The following IL17D variants were observed in gnomAD, a reference collection of about 807,000 sequenced individuals.
The protein encoded by IL17D is interleukin 17D.
In IL17D, 10 loss-of-function variants were observed where a neutral mutation model predicts 5.7. The ratio of observed to expected loss-of-function variants is 1.75; its 90% confidence interval spans 1.08 to 2.97. The LOEUF is 2.97. Ranked by LOEUF, IL17D falls within the 30% of genes most tolerant of loss-of-function variation. IL17D has a pLI of 0.00. For synonymous variants in IL17D, 172 were observed against 141.7 expected, an observed-to-expected ratio of 1.21 and a Z score of -1.52; for missense variants, 354 against 292.7, an observed-to-expected ratio of 1.21 and a Z score of -1.53.
At position 20,716,117 on chromosome 13, in the gene IL17D, C is replaced by G; in HGVS notation, c.291-5519C>G. ...CACATTTTGGAAATCTTGTTTATGC[C>G]GCCTTCTTATCTCTTGCAAAGGTTA... On this transcript the variant is annotated intron_variant, in intron 1 of 1. Transcript: ENST00000682841. This position sits in a 1 kb window ranked among gnomAD's most constrained non-coding sequence, Gnocchi z 4.2. 4.1e-6 allele frequency: 4 copies of G among 984,946 alleles called. No individual in the cohort carries two copies. The highest frequency in any genetic ancestry group is 4.8e-6 in the Non-Finnish European group (4 of 829,520). 61.0% of individuals were successfully genotyped at this position (984,946 alleles called of 1,614,324 possible).
chr13:20,720,874 A>ACCCCCCCCCCCCCCCC (rs67735251), intron 1 of IL17D, among the ~76,000 whole-genome samples: 47 of 75,750 alleles, frequency 6.2e-4, no homozygotes, highest in East Asian at 1.6e-3. Flanking sequence ...CTCCCTCCCA[A>ACCCCCCCCCCCCCCCC]CCCCCCCCCC....
chr13:20,702,729 T>C (rs879857515), upstream of IL17D: 7 of 152,186 alleles, frequency 4.6e-5, no homozygotes, highest in Non-Finnish European at 1.0e-4. Flanking sequence ...GAGATGCCCA[T>C]GAACAGCCAT....
Position 20,721,714 on chromosome 13 carries a change from G to C in IL17D, c.369G>C (p.Leu123=). The part of the protein sequence containing the change: ...YCLCRGCLTG[L]FGEEDVRFRS... ...TGTGCCGGGGCTGCCTGACCGGGCT[G>C]TTCGGCGAGGAGGACGTGCGCTTCC... Residue 123 remains leucine, a synonymous_variant, in exon 2 of 2, where the codon CTG becomes CTC. Coordinates refer to ENST00000682841, the MANE Select transcript of IL17D (RefSeq NM_001385224.1). The C allele has an allele frequency of 1.9e-6, 3 of 1,611,394 alleles. No homozygotes were observed. Among genetic ancestry groups the C allele is most frequent in the Non-Finnish European group, 2.5e-6 (3 of 1,179,384 alleles).
intron 1 of IL17D, among the ~76,000 whole-genome samples, chr13:20,709,870 G>T (rs1315000200): frequency 2.0e-5 from 3 of 152,210 alleles, no homozygotes; most frequent in Non-Finnish European, 4.4e-5. Flanking sequence ...TGGTTGAAGG[G>T]CACCGTTTGC....
At position 20,707,739 on chromosome 13, in the gene IL17D, C is replaced by T. The variant is rs73165495; in HGVS notation, c.290+3448C>T. ...GGGGCCTCACTTTGTTGCCCAGGTT[C>T]GTCTTGAAGTCCTGGGCTCCAGTGA... is the stretch of plus-strand genomic sequence containing the variant. On this transcript the variant is annotated intron_variant, in intron 1 of 1. Transcript: ENST00000682841. 1.8e-3 allele frequency among the ~76,000 whole-genome samples: 268 copies of T among 152,166 alleles called. No homozygotes were observed. The Middle Eastern group carries it at 0.02, about 12-fold the overall frequency.
intron 1 of IL17D, among the ~76,000 whole-genome samples, chr13:20,711,005 C>T (rs1025725186): frequency 1.3e-5 from 2 of 152,112 alleles, no homozygotes; most frequent in Non-Finnish European, 2.9e-5. Context: ...TGGCTCACGC[C>T]TGTAATCCCA....
intron 1 of IL17D, among the ~76,000 whole-genome samples, chr13:20,718,683 C>T (rs1291433698): frequency 8.3e-6 from 1 of 119,800 alleles, no homozygotes; most frequent in Non-Finnish European, 1.9e-5. Flanking sequence ...CACACACCTG[C>T]CCACTTACAC....
At chr13:20,711,018 A>C (rs41450447) in intron 1 of IL17D, among the ~76,000 whole-genome samples, 1 of 151,804 alleles carries the variant, frequency 6.6e-6, no homozygotes, top group Admixed American at 6.6e-5. Context: ...TAATCCCAGC[A>C]CTTTGGGAGG....
At chr13:20,718,172 C>T (rs938329287) in intron 1 of IL17D, among the ~76,000 whole-genome samples, 5 of 152,108 alleles carry the variant, frequency 3.3e-5, no homozygotes, top group Non-Finnish European at 7.4e-5. Context: ...CTTTCCAAAA[C>T]CACATCTCAC....
chr13:20,716,234 G>A lies in IL17D; in HGVS notation c.291-5402G>A, dbSNP rs1308020637. On this transcript the variant is annotated intron_variant, in intron 1 of 1. Coordinates refer to ENST00000682841, the MANE Select transcript of IL17D (RefSeq NM_001385224.1). The surrounding 1 kb of genome is among the most constrained non-coding windows in gnomAD (Gnocchi z 4.2). Reference sequence around the variant, plus strand: ...CGGCGGATGTCTTGGTATTACCATGGTTGTATAACGTCTTGAGATCTGCTG... The same window carrying A: ...CGGCGGATGTCTTGGTATTACCATGATTGTATAACGTCTTGAGATCTGCTG... 1 of 250,142 alleles carries A rather than the reference G, an allele frequency of 4.0e-6. No individual in the cohort carries two copies. The highest frequency in any genetic ancestry group is 6.5e-5 in the Admixed American group (1 of 15,378). The allele number at this position is 250,142 out of a possible 1,614,324, so 15.5% of individuals were successfully genotyped here. A position where few individuals can be genotyped will look rare whatever the true frequency, so the allele number is the denominator to read the frequency against.
chr13:20,703,896 A>C lies in IL17D; in HGVS notation c.-106A>C. On this transcript the variant is annotated 5_prime_UTR_variant, in exon 1 of 2. Transcript: ENST00000682841. ...GCCTCTGGCTCCGCGGGGCGAGGGG[A>C]GGCGCCCGCCGGCTCCGGGCGCCGC... 1 of 477,818 alleles carries C rather than the reference A, an allele frequency of 2.1e-6. No individual in the cohort carries two copies. The highest frequency in any genetic ancestry group is 2.2e-5 in the African/African-American group (1 of 45,474). 29.6% of individuals were successfully genotyped at this position (477,818 alleles called of 1,614,324 possible).
intron 1 of IL17D, chr13:20,713,508 A>G (rs2058656614): frequency 6.6e-6 from 1 of 152,078 alleles, no homozygotes; most frequent in African/African-American, 2.4e-5. Flanking sequence ...CATTGTCAGG[A>G]GCATTGTTAT....
chr13:20,709,773 G>A (rs1289926958), intron 1 of IL17D, among the ~76,000 whole-genome samples: 11 of 152,198 alleles, frequency 7.2e-5, no homozygotes, highest in Admixed American at 4.6e-4. Context: ...AGAGCAGAAA[G>A]GGAATTTCTC....
chr13:20,709,140 C>CTTTTTT (rs61612538), intron 1 of IL17D, among the ~76,000 whole-genome samples: 1 of 137,252 alleles, frequency 7.3e-6, no homozygotes, highest in African/African-American at 2.7e-5. Context: ...CTAAGAAGCC[C>CTTTTTT]TTTTTTTTTT....
intron 1 of IL17D, chr13:20,713,073 T>G (rs1226734067): frequency 2.6e-5 from 4 of 152,110 alleles, no homozygotes; most frequent in African/African-American, 9.7e-5. Context: ...TCTAATGTCT[T>G]AAAGCAAACT....
At position 20,721,859 on chromosome 13, in the gene IL17D, G is replaced by A; in HGVS notation, c.514G>A (p.Glu172Lys). 1 of 1,610,538 alleles carries A rather than the reference G, an allele frequency of 6.2e-7. No individual in the cohort carries two copies. The highest frequency in any genetic ancestry group is 1.1e-5 in the South Asian group (1 of 91,056). Residue 172 changes from glutamate (E) to lysine (K), a missense_variant, in exon 2 of 2, where the codon GAG becomes AAG. Physicochemically the swap from Glu to Lys is moderately conservative, Grantham distance 56. Transcript: ENST00000682841. ...TIPVGCTCVP[E>K]PEKDADSINS... ...CCCCGTGGGCTGCACCTGCGTCCCC[G>A]AGCCGGAGAAGGACGCAGACAGCAT...
In IL17D at chr13:20,707,471, AGAAAT is replaced by A. The variant is rs1159867440; in HGVS notation, c.290+3181_290+3185del. Among the ~76,000 whole-genome samples the A allele has an allele frequency of 2.6e-5, 4 of 151,544 alleles. No homozygotes were observed. In the South Asian group the frequency reaches 6.3e-4, roughly 24 times the overall value. ...AAAAAAAAAAAAAAAAAAAAGGAAAAGAAATAGTGAGCCAATGGAAGTGTGGAGCC... is the reference window on the plus strand; with the variant it reads ...AAAAAAAAAAAAAAAAAAAAGGAAAAAGTGAGCCAATGGAAGTGTGGAGCC... On this transcript the variant is annotated intron_variant, in intron 1 of 1. Transcript: ENST00000682841.
chr13:20,711,176 A>G (rs1281514883), intron 1 of IL17D, among the ~76,000 whole-genome samples: 1 of 152,140 alleles, frequency 6.6e-6, no homozygotes, highest in Non-Finnish European at 1.5e-5. Context: ...AGGCAGGAGA[A>G]TCACTTGAAC....
chr13:20,708,335 G>A (rs1476432021), intron 1 of IL17D, among the ~76,000 whole-genome samples: 1 of 152,242 alleles, frequency 6.6e-6, no homozygotes, highest in African/African-American at 2.4e-5. Context: ...GCATTTGGAA[G>A]GTGGCTTTCC....
Sources: allele counts gnomAD v4.1 joint callset (sites outside exome capture counted in the v4.1 genomes callset), GRCh38; gene constraint gnomAD v4.1.1; non-coding constraint Gnocchi (gnomAD v3.1); transcripts MANE v1.5; gene names NCBI Gene and HGNC (gene_info 2026-07-23, HGNC 2026-07-21).